THSD7A: variants seen among roughly 807,000 people sequenced by gnomAD.
THSD7A encodes the protein thrombospondin type-1 domain-containing protein 7A.
THSD7A carries 96 observed loss-of-function variants against 231.3 expected under a neutral mutation model. The ratio of observed to expected loss-of-function variants is 0.41; its 90% CI spans 0.35 to 0.49. The LOEUF (loss-of-function observed/expected upper bound fraction) is 0.49, where lower values mean the gene tolerates loss of function less well. Among genes scored for constraint, THSD7A ranks in the 20% least tolerant of loss-of-function variants. The pLI, the probability that THSD7A is intolerant of heterozygous loss-of-function variation, is 0.05. For synonymous variants in THSD7A, 940 were observed against 743.3 expected, an observed-to-expected ratio of 1.26 and a Z score of -4.30; for missense variants, 2,290 against 2,070.2, an observed-to-expected ratio of 1.11 and a Z score of -2.06.
intron 1 of THSD7A, among the ~76,000 whole-genome samples, chr7:11,789,019 AC>A (rs1562557123): frequency 6.6e-6 from 1 of 152,000 alleles, no homozygotes; most frequent in Non-Finnish European, 1.5e-5. Context: ...GAAGTGATTG[AC>A]AGGAATTCTG....
At chr7:11,805,457 T>A (rs1784375767) in intron 1 of THSD7A, among the ~76,000 whole-genome samples, 1 of 152,166 alleles carries the variant, frequency 6.6e-6, no homozygotes, top group African/African-American at 2.4e-5. Flanking sequence ...ATTTTAGTGG[T>A]CTCTATATTA....
intron 6 of THSD7A, among the ~76,000 whole-genome samples, chr7:11,533,845 T>C (rs1443591611): frequency 6.6e-6 from 1 of 152,162 alleles, no homozygotes; most frequent in Non-Finnish European, 1.5e-5. Flanking sequence ...TGTATACTTA[T>C]GTAACAAACC....
intron 1 of THSD7A, among the ~76,000 whole-genome samples, chr7:11,683,805 C>A (rs1459344836): frequency 1.3e-5 from 2 of 151,890 alleles, no homozygotes; most frequent in African/African-American, 4.8e-5. Context: ...CAAACAAGAG[C>A]CAGTATCAAT....
intron 6 of THSD7A, among the ~76,000 whole-genome samples, chr7:11,506,531 A>G (rs1256849463): frequency 6.6e-6 from 1 of 152,184 alleles, no homozygotes; most frequent in African/African-American, 2.4e-5. Context: ...AACATAGTTC[A>G]GATCACAACA....
At chr7:11,471,738 T>C (rs2128301501) in intron 8 of THSD7A, among the ~76,000 whole-genome samples, 1 of 152,198 alleles carries the variant, frequency 6.6e-6, no homozygotes, top group South Asian at 2.1e-4. Flanking sequence ...GAAGCAAATT[T>C]ATTATTACAT....
intron 15 of THSD7A, among the ~76,000 whole-genome samples, chr7:11,426,069 AAC>A (rs1381587892): frequency 6.7e-4 from 85 of 126,270 alleles, no homozygotes; most frequent in African/African-American, 2.5e-3. Context: ...AAAAAAAAAA[AAC>A]ATTAAAAAAA....
chr7:11,773,773 T>C (rs957865231), intron 1 of THSD7A, among the ~76,000 whole-genome samples: 8 of 152,122 alleles, frequency 5.3e-5, no homozygotes, highest in East Asian at 1.9e-4. Flanking sequence ...ATCAGGGTAA[T>C]TGGGAATTTC....
rs1273566774 is a variant in THSD7A, at chr7:11,401,908, C to T, written c.4298G>A (p.Gly1433Asp). 2 of 1,613,722 alleles carry T rather than the reference C, an allele frequency of 1.2e-6. No individual in the cohort carries two copies. The highest frequency in any genetic ancestry group is 1.7e-5 in the Admixed American group (1 of 59,980). The change falls in exon 23 of 28, where the codon GGT (glycine) becomes GAT (aspartate). Residue 1433 changes from glycine (G) to aspartate (D), a missense_variant. Physicochemically the swap from Gly to Asp is moderately conservative, Grantham distance 94 (BLOSUM62 -1). Transcript: ENST00000423059. ...TATTCCACCAAAGCCTAGATCCTCA[C>T]CATTCACACAGGTCAGCTGACACAG... ...WSLCQLTCVN[G>D]EDLGFGGIQV...
At chr7:11,750,727 C>G (rs1008871248) in intron 1 of THSD7A, among the ~76,000 whole-genome samples, 11 of 152,002 alleles carry the variant, frequency 7.2e-5, no homozygotes, top group African/African-American at 2.7e-4. Context: ...ACTTGTACAA[C>G]TTCATTAGAG....
chr7:11,530,873 T>C (rs1203054152), intron 6 of THSD7A, among the ~76,000 whole-genome samples: 1 of 152,052 alleles, frequency 6.6e-6, no homozygotes, highest in East Asian at 1.9e-4. Context: ...TAGCCATGCA[T>C]GGTCGCGGGT....
intron 4 of THSD7A, among the ~76,000 whole-genome samples, chr7:11,546,664 C>T (rs12699211): frequency 0.34 from 51,566 of 151,994 alleles, 9,578 homozygotes; most frequent in African/African-American, 0.5. Context: ...AGCCACAGTG[C>T]CTTATTACAT....
At chr7:11,819,377 T>G (rs1038909562) in intron 1 of THSD7A, among the ~76,000 whole-genome samples, 9 of 152,164 alleles carry the variant, frequency 5.9e-5, no homozygotes, top group Non-Finnish European at 1.5e-5. Flanking sequence ...AATATGCACA[T>G]GAATATTCAT....
chr7:11,806,776 G>A (rs528611124), intron 1 of THSD7A, among the ~76,000 whole-genome samples: 30 of 152,216 alleles, frequency 2.0e-4, no homozygotes, highest in African/African-American at 7.0e-4. Flanking sequence ...CTGGAGGAAA[G>A]GTGCCCAGTA....
chr7:11,757,580 C>G (rs1026804311), intron 1 of THSD7A, among the ~76,000 whole-genome samples: 2 of 151,976 alleles, frequency 1.3e-5, no homozygotes, highest in Non-Finnish European at 2.9e-5. Context: ...TTAAGTAATA[C>G]TAACTCATAT....
At chr7:11,379,767 T>G in intron 24 of THSD7A, 55 bp from the exon 25 acceptor site, 1 of 1,506,590 alleles carries the variant, frequency 6.6e-7, no homozygotes, top group Non-Finnish European at 9.0e-7. Flanking sequence ...ATGATGAAAA[T>G]ACACTGTGGT....
Position 11,563,900 on chromosome 7 carries a change from T to G in THSD7A, c.1454-20783A>C, listed in dbSNP as rs1390452802. ...GTGTTCATGCTTGCTGCTTGGATAA[T>G]CTCTTGAATTGTGGTGAGGTCACAA... On this transcript the variant is annotated intron_variant, in intron 4 of 27. Transcript: ENST00000423059. Among the ~76,000 whole-genome samples, 5 of 152,150 alleles carry G rather than the reference T, an allele frequency of 3.3e-5. No individual in the cohort carries two copies. The East Asian group carries it at 9.7e-4, about 29-fold the overall frequency.
rs1303203134 is a variant in THSD7A at position 11,424,714 on chromosome 7, A to T, written c.3365T>A (p.Val1122Glu). ...VNMRENCGEG[V>E]QTRKVRCMQN... is the part of the protein sequence containing the mutation. ...GTCTTACCTCACTTTTCGGGTTTGC[A>T]CGCCCTCTCCACAGTTCTCCCGCAT... The change falls in exon 16 of 28, where the codon GTG becomes GAG. Residue 1122 changes from valine (V) to glutamate (E), a missense_variant. Coordinates refer to ENST00000423059, the MANE Select transcript of THSD7A (RefSeq NM_015204.3). 2.5e-6 allele frequency: 4 copies of T among 1,613,908 alleles called. No homozygotes were observed. Among genetic ancestry groups the T allele is most frequent in the East Asian group, 2.2e-5 (1 of 44,864 alleles).
intron 1 of THSD7A, among the ~76,000 whole-genome samples, chr7:11,757,164 G>A (rs903864884): frequency 6.6e-6 from 1 of 151,886 alleles, no homozygotes; most frequent in East Asian, 1.9e-4. Flanking sequence ...TTTCACAAAA[G>A]TACTGAAAAG....
chr7:11,689,848 C>G (rs1315399565), intron 1 of THSD7A, among the ~76,000 whole-genome samples: 2 of 148,614 alleles, frequency 1.3e-5, no homozygotes, highest in Non-Finnish European at 3.0e-5. Context: ...GGACAAAGAC[C>G]ACAAAGCATT....
Sources: gnomAD v4.1 joint callset for allele counts (sites outside exome capture counted in the v4.1 genomes callset) on GRCh38, gnomAD v4.1.1 for gene constraint, MANE v1.5 for transcripts, NCBI Gene and HGNC (gene_info 2026-07-23, HGNC 2026-07-21) for gene names.